Variants in CCSER1 observed in about 807,000 individuals in gnomAD.
CCSER1 encodes the protein serine-rich coiled-coil domain-containing protein 1.
A neutral mutation model predicts 82.0 loss-of-function variants in CCSER1; 41 were observed. That is an observed-to-expected ratio of 0.50 (90% confidence interval 0.39 to 0.65). CCSER1 has a LOEUF of 0.65. Among genes scored for constraint, CCSER1 ranks in the 30% least tolerant of loss-of-function variants. The pLI, the probability that CCSER1 is intolerant of heterozygous loss-of-function variation, is 0.00. For missense variants in CCSER1, 1,119 were observed against 1,064.2 expected, an observed-to-expected ratio of 1.05 and a Z score of -0.72; for synonymous variants, 414 against 383.9, an observed-to-expected ratio of 1.08 and a Z score of -0.92.
rs527285052 is a variant in CCSER1 at position 90,535,468 on chromosome 4, T to C, written c.1724+67114T>C. Among the ~76,000 whole-genome samples the C allele has an allele frequency of 2.6e-5, 4 of 152,292 alleles. No individual in the cohort carries two copies. The East Asian group carries it at 7.7e-4, about 29-fold the overall frequency. On this transcript the variant is annotated intron_variant, in intron 5 of 10. Transcript: ENST00000509176. Reference sequence around the variant, plus strand: ...GAAAAAGGAATCATTTTGTATTACTTTAATAGTAGTAAAACTCATTTGATT... The same window carrying C: ...GAAAAAGGAATCATTTTGTATTACTCTAATAGTAGTAAAACTCATTTGATT...
At chr4:91,449,615 G>T (rs781016055) in intron 10 of CCSER1, among the ~76,000 whole-genome samples, 1 of 151,862 alleles carries the variant, frequency 6.6e-6, no homozygotes, top group African/African-American at 2.4e-5. Flanking sequence ...ATTGTAGGGC[G>T]GACCTCATTT....
chr4:91,178,272 A>T (rs1396908256), intron 10 of CCSER1, among the ~76,000 whole-genome samples: 6 of 152,174 alleles, frequency 3.9e-5, no homozygotes, highest in African/African-American at 1.4e-4. Context: ...TGGTGCTGAG[A>T]AGAATGTAGA....
intron 10 of CCSER1, among the ~76,000 whole-genome samples, chr4:91,316,464 A>C (rs1358184424): frequency 6.6e-6 from 1 of 151,988 alleles, no homozygotes; most frequent in Non-Finnish European, 1.5e-5. Flanking sequence ...TTCATTTGTA[A>C]AATTTCTCTG....
intron 3 of CCSER1, among the ~76,000 whole-genome samples, chr4:90,319,399 C>T (rs1451574113): frequency 6.6e-6 from 1 of 152,098 alleles, no homozygotes; most frequent in Non-Finnish European, 1.5e-5. Flanking sequence ...AATCTGTAAT[C>T]CCTGCAATTT....
rs1041965977 is a variant in CCSER1, at chr4:90,954,909, C to T, written c.2172+31462C>T. Among the ~76,000 whole-genome samples, 4 of 152,130 alleles carry T rather than the reference C, an allele frequency of 2.6e-5. No individual in the cohort carries two copies. In the South Asian group the frequency reaches 6.2e-4, roughly 24 times the overall value. On this transcript the variant is annotated intron_variant, in intron 9 of 10. Transcript: ENST00000509176. ...ACACTAGCTTTGATTCTTCTATATA[C>T]ATGTATGCCCTAGCTTTAGGGCTCT...
chr4:91,068,223 A>G (rs892989014), intron 9 of CCSER1, among the ~76,000 whole-genome samples: 8 of 152,348 alleles, frequency 5.3e-5, no homozygotes, highest in African/African-American at 1.9e-4. Flanking sequence ...CATGATGCAA[A>G]TGCAGTTAAA....
rs1355750967 is a variant in CCSER1 at position 90,727,505 on chromosome 4, C to T, written c.2010+3514C>T. Among the ~76,000 whole-genome samples the T allele has an allele frequency of 2.6e-5, 4 of 152,262 alleles. No individual in the cohort carries two copies. The East Asian group carries it at 5.8e-4, about 22-fold the overall frequency. On this transcript the variant is annotated intron_variant, in intron 7 of 10. Coordinates refer to ENST00000509176, the MANE Select transcript of CCSER1 (RefSeq NM_001145065.2). ...TCTATCTTTTCCCTCTGGCATTCTC[C>T]CTGATTTCTTGCAAACATCTAATCA...
intron 3 of CCSER1, among the ~76,000 whole-genome samples, chr4:90,350,175 G>A (rs1743167795): frequency 6.6e-6 from 1 of 152,080 alleles, no homozygotes; most frequent in Admixed American, 6.6e-5. Flanking sequence ...GGGTGATTCT[G>A]CAAGGTAGAG....
intron 10 of CCSER1, among the ~76,000 whole-genome samples, chr4:91,236,893 C>A (rs1035843189): frequency 2.6e-5 from 4 of 152,062 alleles, no homozygotes; most frequent in African/African-American, 9.7e-5. Flanking sequence ...GTGAATACTC[C>A]AGATAATCAG....
chr4:91,021,941 A>G (rs1303040509), intron 9 of CCSER1, among the ~76,000 whole-genome samples: 1 of 152,224 alleles, frequency 6.6e-6, no homozygotes, highest in Non-Finnish European at 1.5e-5. Context: ...GGTATATTTC[A>G]AATGATTAAA....
chr4:90,662,338 G>C (rs1304519200), intron 6 of CCSER1, among the ~76,000 whole-genome samples: 1 of 151,926 alleles, frequency 6.6e-6, no homozygotes, highest in Non-Finnish European at 1.5e-5. Context: ...GCTCAACTGG[G>C]TGTGAAAACA....
At chr4:91,316,541 C>G (rs1745848432) in intron 10 of CCSER1, among the ~76,000 whole-genome samples, 1 of 151,972 alleles carries the variant, frequency 6.6e-6, no homozygotes, top group African/African-American at 2.4e-5. Context: ...AATGTTTATT[C>G]TATGACACTA....
chr4:91,598,890 C>G lies in CCSER1; in HGVS notation c.2536C>G (p.Pro846Ala), dbSNP rs1439204378. ...TEGLSTFLEK[P>A]KDQVATARQH... ...AGGGCTCTCCACGTTCTTAGAGAAACCAAAGGACCAAGTTGCTACGGCCCG... is the reference window on the plus strand; with the variant it reads ...AGGGCTCTCCACGTTCTTAGAGAAAGCAAAGGACCAAGTTGCTACGGCCCG... Residue 846 changes from proline (P) to alanine (A), a missense_variant, in exon 11 of 11, where the codon CCA (proline) becomes GCA (alanine). Transcript: ENST00000509176. 2 of 1,551,604 alleles carry G rather than the reference C, an allele frequency of 1.3e-6. No homozygotes were observed. The highest frequency in any genetic ancestry group is 1.7e-6 in the Non-Finnish European group (2 of 1,146,928).
chr4:90,219,533 C>A (rs1487113623), intron 1 of CCSER1, among the ~76,000 whole-genome samples: 1 of 152,110 alleles, frequency 6.6e-6, no homozygotes, highest in Non-Finnish European at 1.5e-5. Context: ...TCTACATTAT[C>A]ATTCTGTGTC....
intron 5 of CCSER1, among the ~76,000 whole-genome samples, chr4:90,604,514 A>C (rs1784386736): frequency 1.3e-5 from 2 of 152,208 alleles, no homozygotes; most frequent in Non-Finnish European, 2.9e-5. Context: ...TGAGCATTAG[A>C]GATAATATAT....
chr4:91,512,240 C>T (rs1759868099), intron 10 of CCSER1, among the ~76,000 whole-genome samples: 1 of 152,182 alleles, frequency 6.6e-6, no homozygotes, highest in Non-Finnish European at 1.5e-5. Context: ...GACCCACCCT[C>T]AATCTGGATG....
intron 3 of CCSER1, among the ~76,000 whole-genome samples, chr4:90,367,943 A>T (rs1746559005): frequency 6.6e-6 from 1 of 151,998 alleles, no homozygotes; most frequent in South Asian, 2.1e-4. Flanking sequence ...AAATATATGG[A>T]TTAAAAGAGT....
chr4:90,652,346 T>C (rs1728903415), intron 6 of CCSER1, among the ~76,000 whole-genome samples: 1 of 152,192 alleles, frequency 6.6e-6, no homozygotes, highest in African/African-American at 2.4e-5. Context: ...TTTATAATAA[T>C]GTTGTATATG....
At chr4:90,830,078 T>A (rs1000941468) in intron 8 of CCSER1, among the ~76,000 whole-genome samples, 1 of 152,232 alleles carries the variant, frequency 6.6e-6, no homozygotes, top group African/African-American at 2.4e-5. Context: ...AGCCAAATTA[T>A]CGTTTCTAGA....
Sources: allele counts gnomAD v4.1 joint callset (sites outside exome capture counted in the v4.1 genomes callset), GRCh38; gene constraint gnomAD v4.1.1; transcripts MANE v1.5; gene names NCBI Gene and HGNC (gene_info 2026-07-23, HGNC 2026-07-21).